Variants in PLEKHD1 observed in about 807,000 individuals in gnomAD.
PLEKHD1 encodes the protein pleckstrin homology and coiled-coil domain containing D1.
PLEKHD1 carries 51 observed loss-of-function variants against 69.2 expected under a neutral mutation model. That is an observed-to-expected ratio of 0.74 (90% CI 0.59 to 0.93). The LOEUF (loss-of-function observed/expected upper bound fraction) is 0.93. Ranked by LOEUF, PLEKHD1 falls within the 40% of genes least tolerant of loss-of-function variation. The pLI is 0.00. For synonymous variants in PLEKHD1, 236 were observed against 244.7 expected (o/e 0.96, Z 0.33); for missense variants, 584 against 641.0 (o/e 0.91, Z 0.96).
At chr14:69,484,521 G>A (rs2139487185), upstream of PLEKHD1, among the ~76,000 whole-genome samples, 1 of 152,196 alleles carries the variant, frequency 6.6e-6, no homozygotes, top group East Asian at 1.9e-4. Flanking sequence ...CGGGCCCTGC[G>A]ACCCGCAGGG....
chr14:69,488,858 G>C (rs1299703738), intron 1 of PLEKHD1, among the ~76,000 whole-genome samples: 2 of 152,234 alleles, frequency 1.3e-5, no homozygotes, highest in African/African-American at 4.8e-5. Context: ...CACAGAGGCA[G>C]GGGGAAGGTG....
At chr14:69,471,387 A>C in the PLEKHD1 span, among the ~76,000 whole-genome samples, 1 of 152,092 alleles carries the variant, frequency 6.6e-6, no homozygotes, top group Non-Finnish European at 1.5e-5. Context: ...CTGGGATTAC[A>C]GACATGAGCC....
At chr14:69,508,500 A>G (rs952267203) in intron 6 of PLEKHD1, among the ~76,000 whole-genome samples, 1 of 152,072 alleles carries the variant, frequency 6.6e-6, no homozygotes, top group East Asian at 1.9e-4. Context: ...GGTTAACTGT[A>G]GCCTCCCAGG....
chr14:69,493,778 TGGGAGAGAGAGACA>T (rs1882827537), intron 1 of PLEKHD1, among the ~76,000 whole-genome samples: 1 of 152,210 alleles, frequency 6.6e-6, no homozygotes, highest in Non-Finnish European at 1.5e-5. Context: ...TTCTTTATGA[TGGGAGAGAGAGACA>T]GCCAGCGTTG....
chr14:69,517,650 T>C (rs1883415066), intron 6 of PLEKHD1, among the ~76,000 whole-genome samples: 1 of 152,056 alleles, frequency 6.6e-6, no homozygotes, highest in Non-Finnish European at 1.5e-5. Flanking sequence ...CCTGTCCAGC[T>C]TCCCAGAGTC....
In PLEKHD1 at chr14:69,484,842, G is replaced by C. The variant is rs1326018947; in HGVS notation, c.-124G>C. On this transcript the variant is annotated 5_prime_UTR_variant, in exon 1 of 13. Coordinates refer to ENST00000322564, the MANE Select transcript of PLEKHD1 (RefSeq NM_001161498.2). The stretch of plus-strand genomic sequence containing the variant: ...CGCTTTGATGCTGCAGCTCCGGGCC[G>C]GGCCGCTCTGCTTCTCTGCTCGCTG... 1 of 1,195,848 alleles carries C rather than the reference G, an allele frequency of 8.4e-7. No individual in the cohort carries two copies. The highest frequency in any genetic ancestry group is 2.6e-5 in the East Asian group (1 of 38,654). 74.1% of individuals were successfully genotyped at this position (1,195,848 alleles called of 1,614,324 possible).
chr14:69,520,095 A>G (rs1566564506), intron 6 of PLEKHD1, among the ~76,000 whole-genome samples: 1 of 132,644 alleles, frequency 7.5e-6, no homozygotes, highest in Non-Finnish European at 1.5e-5. Context: ...TGAACCAGGG[A>G]GGCGGAGTTT....
chr14:69,485,766 A>G (rs1405358366), intron 1 of PLEKHD1, among the ~76,000 whole-genome samples: 1 of 152,230 alleles, frequency 6.6e-6, no homozygotes, highest in East Asian at 1.9e-4. Flanking sequence ...GGAGGGAGGC[A>G]GCTGGAGTGA....
intron 6 of PLEKHD1, among the ~76,000 whole-genome samples, chr14:69,511,156 T>TTTGTTTG (rs576551703): frequency 5.9e-5 from 9 of 152,070 alleles, no homozygotes; most frequent in African/African-American, 2.2e-4. Context: ...TGTTTGTTTG[T>TTTGTTTG]TTGTTGTTTG....
At chr14:69,492,942 T>A (rs1271634499) in intron 1 of PLEKHD1, among the ~76,000 whole-genome samples, 1 of 152,146 alleles carries the variant, frequency 6.6e-6, no homozygotes, top group Admixed American at 6.5e-5. Context: ...GCTAATTTTT[T>A]AATTTTCTGT....
chr14:69,498,723 C>T (rs1882953652), intron 1 of PLEKHD1, among the ~76,000 whole-genome samples: 1 of 151,614 alleles, frequency 6.6e-6, no homozygotes, highest in Admixed American at 6.6e-5. Context: ...TCTTGGCTCA[C>T]TGCAACCTCT....
chr14:69,519,865 A>G (rs1883470094), intron 6 of PLEKHD1, among the ~76,000 whole-genome samples: 1 of 152,176 alleles, frequency 6.6e-6, no homozygotes, highest in Admixed American at 6.5e-5. Flanking sequence ...CCAGACCTGT[A>G]AAAGCTGGGC....
intron 6 of PLEKHD1, among the ~76,000 whole-genome samples, chr14:69,517,379 G>C (rs908745451): frequency 6.6e-6 from 1 of 152,026 alleles, no homozygotes. Flanking sequence ...CCAACAGTTG[G>C]ATATAAGAGG....
intron 8 of PLEKHD1, 111 bp from the exon 9 acceptor site, chr14:69,525,833 A>G: frequency 9.8e-7 from 1 of 1,022,314 alleles, no homozygotes; most frequent in Non-Finnish European, 1.4e-6. Context: ...CAGCGGCCAT[A>G]GAGGACTGAG....
chr14:69,484,250 A>G (rs1477393038), upstream of PLEKHD1, among the ~76,000 whole-genome samples: 3 of 152,160 alleles, frequency 2.0e-5, no homozygotes, highest in East Asian at 5.8e-4. Flanking sequence ...TCGCCACTTC[A>G]CTGGGGAGAA....
At chr14:69,477,779 T>G in the PLEKHD1 span, among the ~76,000 whole-genome samples, 1 of 152,234 alleles carries the variant, frequency 6.6e-6, no homozygotes. Context: ...CCCATAGTCT[T>G]AGGCAGCTCC....
chr14:69,499,957 C>G (rs945961974), intron 1 of PLEKHD1, among the ~76,000 whole-genome samples, 158 bp from the exon 2 acceptor site: 2 of 152,076 alleles, frequency 1.3e-5, no homozygotes, highest in Non-Finnish European at 2.9e-5. Context: ...CAGCTGAGGC[C>G]TTTGTGAGGG....
chr14:69,489,738 G>C (rs1882733985), intron 1 of PLEKHD1, among the ~76,000 whole-genome samples: 1 of 152,124 alleles, frequency 6.6e-6, no homozygotes, highest in Admixed American at 6.5e-5. Flanking sequence ...GGGTCAAACT[G>C]TGTGCCACAA....
intron 12 of PLEKHD1, 88 bp downstream of exon 12, chr14:69,528,020 T>C: frequency 6.5e-7 from 1 of 1,535,892 alleles, no homozygotes; most frequent in Non-Finnish European, 8.8e-7. Context: ...GGCCCAGCTC[T>C]GAGGCTGGAG....
Sources: allele counts gnomAD v4.1 joint callset (sites outside exome capture counted in the v4.1 genomes callset), GRCh38; gene constraint gnomAD v4.1.1; transcripts MANE v1.5; gene names NCBI Gene and HGNC (gene_info 2026-07-23, HGNC 2026-07-21).